CCNA1: variants seen among roughly 807,000 people sequenced by gnomAD.
CCNA1 encodes the protein cyclin A1.
Under a neutral mutation model 54.1 loss-of-function variants are expected in CCNA1, and 23 were observed. The ratio of observed to expected loss-of-function variants is 0.42; its 90% CI spans 0.31 to 0.60. The LOEUF (loss-of-function observed/expected upper bound fraction) is 0.60. Among genes scored for constraint, CCNA1 ranks in the 20% least tolerant of loss-of-function variants. The pLI, the probability that CCNA1 is intolerant of heterozygous loss-of-function variation, is 0.14. For missense variants in CCNA1, 450 were observed against 556.7 expected (o/e 0.81, Z 1.93); for synonymous variants, 208 against 213.9 (o/e 0.97, Z 0.24).
chr13:36,435,710 T>C (rs550564442), intron 2 of CCNA1, among the ~76,000 whole-genome samples: 2 of 152,328 alleles, frequency 1.3e-5, no homozygotes, highest in African/African-American at 4.8e-5. Flanking sequence ...CACTCTCTAT[T>C]TGGTGATGAC....
At position 36,438,181 on chromosome 13, in the gene CCNA1, G is replaced by A. The variant is rs2055830754; in HGVS notation, c.659G>A (p.Arg220Lys). 1 of 1,611,124 alleles carries A rather than the reference G, an allele frequency of 6.2e-7. No homozygotes were observed. The highest frequency in any genetic ancestry group is 1.3e-5 in the African/African-American group (1 of 74,864). Residue 220 changes from arginine (R) to lysine (K), a missense_variant, in exon 4 of 9, where the codon AGG (arginine) becomes AAG (lysine). Arg to Lys is a conservative substitution (Grantham distance 26, BLOSUM62 2). Around this residue, in one of 6 missense-constraint regions of CCNA1, gnomAD observed 150 missense variants for 219.7 expected, o/e 0.68. Transcript: ENST00000255465. ...GCTGAAGAAATTTATCAGTACCTTAGGGAAGCTGAAGTAAGTTTTCCCACC... is the reference window on the plus strand; with the variant it reads ...GCTGAAGAAATTTATCAGTACCTTAAGGAAGCTGAAGTAAGTTTTCCCACC...
At chr13:36,442,572 A>G in intron 8 of CCNA1, 42 bp from the exon 9 acceptor site, 2 of 1,604,150 alleles carry the variant, frequency 1.2e-6, no homozygotes, top group Non-Finnish European at 1.7e-6. Flanking sequence ...ATCAAACCAA[A>G]GTCCTTGGCT....
chr13:36,438,932 T>C, intron 5 of CCNA1, 65 bp downstream of exon 5: 1 of 1,228,058 alleles, frequency 8.1e-7, no homozygotes, highest in Non-Finnish European at 1.2e-6. Flanking sequence ...ATTTTTGTCC[T>C]CTATTTCTTA....
chr13:36,432,964 G>A (rs1297851258), intron 1 of CCNA1, 69 bp from the exon 2 acceptor site: 3 of 1,445,080 alleles, frequency 2.1e-6, no homozygotes, highest in Non-Finnish European at 2.9e-6. Flanking sequence ...CTAGAGGTTC[G>A]CTGTGTCCTT....
chr13:36,442,639 C>A lies in CCNA1; in HGVS notation c.1372C>A (p.Pro458Thr). The A allele has an allele frequency of 2.5e-6, 4 of 1,613,954 alleles. No homozygotes were observed. The highest frequency in any genetic ancestry group is 3.4e-6 in the Non-Finnish European group (4 of 1,179,922). ...GTACCTGTGTGTGTCCCTCATGGAG[C>A]CACCTGCAGTTCTTCTTCTACAATA... The change falls in exon 9 of 9, where the codon CCA (proline) becomes ACA (threonine). Residue 458 changes from proline (P) to threonine (T), a missense_variant. Around this residue, in one of 6 missense-constraint regions of CCNA1, gnomAD observed 53 missense variants for 50.1 expected, o/e 1.06. Coordinates refer to ENST00000255465, the MANE Select transcript of CCNA1 (RefSeq NM_003914.4).
upstream of CCNA1, chr13:36,432,439 C>T: frequency 2.5e-6 from 1 of 398,390 alleles, no homozygotes; most frequent in Non-Finnish European, 4.6e-6. Context: ...AACCCTGCCC[C>T]GCCCTGCCCC....
chr13:36,431,591 A>T (rs2055707580), upstream of CCNA1: 1 of 151,866 alleles, frequency 6.6e-6, no homozygotes, highest in Non-Finnish European at 1.5e-5. Context: ...TCTCGTGGGG[A>T]CCTCGAGCAC....
chr13:36,441,338 G>C (rs946550144), intron 7 of CCNA1, 107 bp downstream of exon 7: 11 of 646,198 alleles, frequency 1.7e-5, no homozygotes, highest in African/African-American at 1.3e-4. Context: ...CTTGACAGCA[G>C]ACCACAACAT....
intron 5 of CCNA1, 93 bp downstream of exon 5, chr13:36,438,960 T>C: frequency 2.2e-6 from 2 of 907,916 alleles, no homozygotes; most frequent in Non-Finnish European, 3.5e-6. Context: ...AATGCAATGC[T>C]TGATAATTAA....
At chr13:36,439,109 AT>A (rs1362848993) in intron 5 of CCNA1, among the ~76,000 whole-genome samples, 1 of 152,218 alleles carries the variant, frequency 6.6e-6, no homozygotes, top group Non-Finnish European at 1.5e-5. Context: ...TAAGGCAGCC[AT>A]CATCTCAAAT....
At chr13:36,435,960 AC>A (rs1043700082) in intron 2 of CCNA1, among the ~76,000 whole-genome samples, 1 of 152,090 alleles carries the variant, frequency 6.6e-6, no homozygotes, top group South Asian at 2.1e-4. Flanking sequence ...TTTTTCTCTC[AC>A]CCCACATCTA....
chr13:36,433,428 TTCTTTCTTTCTTTCG>T (rs2055753809), intron 2 of CCNA1, among the ~76,000 whole-genome samples: 1 of 120,274 alleles, frequency 8.3e-6, no homozygotes, highest in Admixed American at 8.7e-5. Context: ...CTTTCTTTCT[TTCTTTCTTTCTTTCG>T]TTCTTTCTTT....
rs145685321 is a variant in CCNA1, at chr13:36,442,244, C to T, written c.1286C>T (p.Ala429Val). The change falls in exon 8 of 9, where the codon GCG (alanine) becomes GTG (valine). Residue 429 changes from alanine to valine, a missense_variant. By Grantham distance (64) the Ala-to-Val change is moderately conservative. Around this residue, in one of 6 missense-constraint regions of CCNA1, gnomAD observed 53 missense variants for 50.1 expected, o/e 1.06. Coordinates refer to ENST00000255465, the MANE Select transcript of CCNA1 (RefSeq NM_003914.4). ...CCTTGCCTGAGTGAGCTTCATAAAG[C>T]GTACCTTGATATACCCCATCGACCT... is the stretch of plus-strand genomic sequence containing the variant. 7.0e-5 allele frequency: 113 copies of T among 1,613,710 alleles called. No homozygotes were observed. Among genetic ancestry groups the T allele is most frequent in the Admixed American group, 1.8e-4 (11 of 59,992 alleles).
chr13:36,438,158 T>A lies in CCNA1; in HGVS notation c.636T>A (p.Ala212=). The A allele has an allele frequency of 1.9e-6, 3 of 1,613,724 alleles. No homozygotes were observed. The South Asian group carries it at 3.3e-5, about 18-fold the overall frequency. Residue 212 remains alanine (A), a synonymous_variant, in exon 4 of 9, where the codon GCT becomes GCA. Transcript: ENST00000255465. ...ATGTGATAAATGTGACTGAATATGC[T>A]GAAGAAATTTATCAGTACCTTAGGG...
Position 36,442,749 on chromosome 13 carries a change from A to C in CCNA1, c.*84A>C. 1.9e-6 allele frequency: 2 copies of C among 1,079,458 alleles called. No homozygotes were observed. Among genetic ancestry groups the C allele is most frequent in the Non-Finnish European group, 2.8e-6 (2 of 702,586 alleles). 66.9% of individuals were successfully genotyped at this position (1,079,458 alleles called of 1,614,324 possible). The stretch of plus-strand genomic sequence containing the variant: ...TCATAGGCTTCTGCACGTTGGATCA[A>C]CTAATGTTGTTTACAATATAGATGA... On this transcript the variant is annotated 3_prime_UTR_variant, in exon 9 of 9. Transcript: ENST00000255465.
In CCNA1 at chr13:36,442,727, T is replaced by C; in HGVS notation, c.*62T>C. 3.0e-6 allele frequency: 4 copies of C among 1,340,052 alleles called. No individual in the cohort carries two copies. The highest frequency in any genetic ancestry group is 2.3e-5 in the East Asian group (1 of 43,664). The allele number at this position is 1,340,052 out of a possible 1,614,324, so 83.0% of individuals were successfully genotyped here. A position where few individuals can be genotyped will look rare whatever the true frequency, so the allele number is the denominator to read the frequency against. On this transcript the variant is annotated 3_prime_UTR_variant, in exon 9 of 9. Coordinates refer to ENST00000255465, the MANE Select transcript of CCNA1 (RefSeq NM_003914.4). The stretch of plus-strand genomic sequence containing the variant: ...ATATCAGAAGTGCCAATAATCGTCA[T>C]AGGCTTCTGCACGTTGGATCAACTA...
Position 36,441,140 on chromosome 13 carries a change from T to C in CCNA1, c.1121T>C (p.Leu374Pro). The change falls in exon 7 of 9, where the codon CTT (leucine) becomes CCT (proline). Residue 374 changes from leucine (L) to proline (P), a missense_variant. By Grantham distance (98) the Leu-to-Pro change is moderately conservative. Around this residue, in one of 6 missense-constraint regions of CCNA1, gnomAD observed 150 missense variants for 219.7 expected, o/e 0.68. Coordinates refer to ENST00000255465, the MANE Select transcript of CCNA1 (RefSeq NM_003914.4). ...TAGTACGTAGCAGAGCTGAGTCTAC[T>C]TGAAGCAGATCCATTCTTGAAATAT... 1 of 1,609,642 alleles carries C rather than the reference T, an allele frequency of 6.2e-7. No homozygotes were observed. The highest frequency in any genetic ancestry group is 8.5e-7 in the Non-Finnish European group (1 of 1,176,174).
In CCNA1 at chr13:36,438,799, C is replaced by T. The variant is rs751861130; in HGVS notation, c.825C>T (p.Phe275=). 8.7e-6 allele frequency: 14 copies of T among 1,613,934 alleles called. 1 individual carries two copies. In the South Asian group the frequency reaches 1.1e-4, roughly 13 times the overall value. ...TGGCTGTCAACTTCCTGGACAGGTT[C>T]CTTTCATGTATGTCTGTTCTGAGAG... The change falls in exon 5 of 9, where the codon TTC becomes TTT. Residue 275 remains phenylalanine (F), a synonymous_variant. Transcript: ENST00000255465.
chr13:36,434,444 A>T (rs921696632), intron 2 of CCNA1, among the ~76,000 whole-genome samples: 2 of 152,134 alleles, frequency 1.3e-5, no homozygotes, highest in African/African-American at 4.8e-5. Context: ...GTTTTAACAA[A>T]TTTTAATTTG....
Sources: allele counts gnomAD v4.1 joint callset (sites outside exome capture counted in the v4.1 genomes callset), GRCh38; gene constraint gnomAD v4.1.1; regional missense constraint gnomAD v4.1.1; transcripts MANE v1.5; gene names NCBI Gene and HGNC (gene_info 2026-07-23, HGNC 2026-07-21).